Variants in MEGF10 observed in about 807,000 individuals in gnomAD.
MEGF10 encodes multiple epidermal growth factor-like domains protein 10.
A neutral mutation model predicts 147.5 loss-of-function variants in MEGF10; 86 were observed. The ratio of observed to expected loss-of-function variants is 0.58; its 90% CI spans 0.49 to 0.70. The LOEUF (loss-of-function observed/expected upper bound fraction) is 0.70. Ranked by LOEUF, MEGF10 falls within the 30% of genes least tolerant of loss-of-function variation. The probability of loss-of-function intolerance (pLI) is 0.00; values close to 1 mark genes in which losing one functional copy is unlikely to be tolerated. For missense variants in MEGF10, 1,329 were observed against 1,487.3 expected (o/e 0.89, Z 1.75); for synonymous variants, 478 against 525.5 (o/e 0.91, Z 1.24).
chr5:127,284,957 A>C, the MEGF10 span, among the ~76,000 whole-genome samples: 1 of 152,236 alleles, frequency 6.6e-6, no homozygotes, highest in Non-Finnish European at 1.5e-5. Context: ...GGTAAATGGA[A>C]CAAATGAGAA....
rs1361488506 is a variant in MEGF10 at position 127,438,335 on chromosome 5, G to A, written c.2105-104G>A. On this transcript the variant is annotated intron_variant, in intron 16 of 24. Transcript: ENST00000503335. ...TGCTTTCTTAGTCCTGATGTACACT[G>A]CTAACCTCTCACATGCAGGGAGATG... is the stretch of plus-strand genomic sequence containing the variant. 3.0e-6 allele frequency: 4 copies of A among 1,329,968 alleles called. No individual in the cohort carries two copies. The East Asian group carries it at 7.0e-5, about 23-fold the overall frequency. 82.4% of individuals were successfully genotyped at this position (1,329,968 alleles called of 1,614,324 possible). A position where few individuals can be genotyped will look rare whatever the true frequency, so the allele number is the denominator to read the frequency against.
intron 5 of MEGF10, among the ~76,000 whole-genome samples, chr5:127,370,965 A>G (rs1346339977): frequency 3.3e-5 from 5 of 152,214 alleles, no homozygotes; most frequent in Non-Finnish European, 7.3e-5. Context: ...ATTTTTTGAA[A>G]TTAGTCTGAA....
rs1715363999 is a variant in MEGF10, at chr5:127,350,993, G to T, written c.319+10363G>T. Among the ~76,000 whole-genome samples, 4 of 151,918 alleles carry T rather than the reference G, an allele frequency of 2.6e-5. No individual in the cohort carries two copies. In the South Asian group the frequency reaches 8.4e-4, roughly 32 times the overall value. On this transcript the variant is annotated intron_variant, in intron 4 of 24. Transcript: ENST00000503335. Reference sequence around the variant, plus strand: ...AGTAGAATGATGGTTACCAGAGGATGGGAAGGATAGTGGGGGTGGGGTAGG... The same window carrying T: ...AGTAGAATGATGGTTACCAGAGGATTGGAAGGATAGTGGGGGTGGGGTAGG...
chr5:127,319,047 T>TCCTC (rs1370501390), intron 1 of MEGF10, among the ~76,000 whole-genome samples: 7 of 128,666 alleles, frequency 5.4e-5, no homozygotes, highest in South Asian at 3.2e-4. Context: ...CTCCCTCCCT[T>TCCTC]CCTCCCTCCC....
the MEGF10 span, among the ~76,000 whole-genome samples, chr5:127,261,425 G>A: frequency 6.6e-6 from 1 of 152,028 alleles, no homozygotes; most frequent in Non-Finnish European, 1.5e-5. Context: ...ATTCATTCTT[G>A]TTGTAATATG....
chr5:127,329,680 G>A (rs1761174648), intron 1 of MEGF10, among the ~76,000 whole-genome samples: 1 of 151,970 alleles, frequency 6.6e-6, no homozygotes, highest in African/African-American at 2.4e-5. Flanking sequence ...GAAAATCACT[G>A]CTTTGCTCAA....
At chr5:127,417,953 G>A (rs1764840246) in intron 10 of MEGF10, 141 bp downstream of exon 10, 11 of 846,110 alleles carry the variant, frequency 1.3e-5, no homozygotes, top group Middle Eastern at 3.6e-4. Flanking sequence ...GAAAATGAGG[G>A]GAAAAATGCT....
the MEGF10 span, among the ~76,000 whole-genome samples, chr5:127,250,692 T>A: frequency 6.6e-6 from 1 of 151,814 alleles, no homozygotes; most frequent in African/African-American, 2.4e-5. Flanking sequence ...CAAAAAAGAA[T>A]AACATGACAC....
At chr5:127,302,379 C>A (rs894994931) in intron 1 of MEGF10, among the ~76,000 whole-genome samples, 1 of 152,116 alleles carries the variant, frequency 6.6e-6, no homozygotes, top group African/African-American at 2.4e-5. Context: ...ACACAAAAGA[C>A]CACATATTGT....
chr5:127,418,947 T>C (rs1764879229), intron 10 of MEGF10, among the ~76,000 whole-genome samples, 173 bp from the exon 11 acceptor site: 1 of 152,220 alleles, frequency 6.6e-6, no homozygotes, highest in Non-Finnish European at 1.5e-5. Flanking sequence ...GTGTTGCCCT[T>C]AAATTTCTAA....
intron 5 of MEGF10, among the ~76,000 whole-genome samples, chr5:127,394,747 A>G (rs1763834165): frequency 6.6e-6 from 1 of 152,214 alleles, no homozygotes; most frequent in African/African-American, 2.4e-5. Context: ...TTTTGAAACT[A>G]CCACCTAATC....
At chr5:127,371,489 TA>T (rs1762851527) in intron 5 of MEGF10, among the ~76,000 whole-genome samples, 2 of 152,070 alleles carry the variant, frequency 1.3e-5, no homozygotes, top group Non-Finnish European at 2.9e-5. Flanking sequence ...TGAAGAAAAA[TA>T]ACATTATTAT....
At chr5:127,417,950 A>T in intron 10 of MEGF10, 138 bp downstream of exon 10, 1 of 905,890 alleles carries the variant, frequency 1.1e-6, no homozygotes, top group Non-Finnish European at 1.6e-6. Flanking sequence ...AGAGAAAATG[A>T]GGGGAAAAAT....
chr5:127,289,592 A>G (rs890827052), upstream of MEGF10, among the ~76,000 whole-genome samples: 2 of 152,250 alleles, frequency 1.3e-5, no homozygotes, highest in African/African-American at 4.8e-5. Flanking sequence ...AAACAAACAA[A>G]TAAACAAACA....
rs568755125 is a variant in MEGF10, at chr5:127,457,614, C to T, written c.*296C>T. ...AAAGCATGAACTTGCAGAACTCCCT[C>T]GGAGACGCAGGTTGCAGTGGACATT... On this transcript the variant is annotated 3_prime_UTR_variant, in exon 25 of 25. Transcript: ENST00000503335. 8.5e-5 allele frequency: 29 copies of T among 342,936 alleles called. No individual in the cohort carries two copies. The highest frequency in any genetic ancestry group is 3.2e-4 in the East Asian group (6 of 18,752). The allele number at this position is 342,936 out of a possible 1,614,324, so 21.2% of individuals were successfully genotyped here.
At chr5:127,425,842 T>A (rs1318871831) in intron 13 of MEGF10, among the ~76,000 whole-genome samples, 1 of 152,230 alleles carries the variant, frequency 6.6e-6, no homozygotes, top group East Asian at 1.9e-4. Flanking sequence ...CAATTCTATT[T>A]CTTCTCATCC....
chr5:127,288,499 CCAT>C (rs1561549627), upstream of MEGF10, among the ~76,000 whole-genome samples: 1 of 152,192 alleles, frequency 6.6e-6, no homozygotes, highest in East Asian at 1.9e-4. Context: ...TTTATGGTCA[CCAT>C]CATTAGTCAG....
intron 14 of MEGF10, among the ~76,000 whole-genome samples, chr5:127,433,966 G>A (rs565091955): frequency 1.5e-4 from 23 of 152,206 alleles, no homozygotes; most frequent in Non-Finnish European, 3.1e-4. Context: ...AAATGGAATT[G>A]CAAAGTTGAA....
At chr5:127,378,286 T>C (rs113289788) in intron 5 of MEGF10, among the ~76,000 whole-genome samples, 5,156 of 152,298 alleles carry the variant, frequency 0.034, 122 homozygotes, top group Middle Eastern at 0.16. Flanking sequence ...TCGCCAGTGC[T>C]GTGCATGGCA....
Sources: allele counts gnomAD v4.1 joint callset (sites outside exome capture counted in the v4.1 genomes callset), GRCh38; gene constraint gnomAD v4.1.1; transcripts MANE v1.5; gene names NCBI Gene and HGNC (gene_info 2026-07-23, HGNC 2026-07-21).